Variants in SFRP1 observed in about 807,000 individuals in gnomAD.
SFRP1 encodes the protein secreted frizzled related protein 1, also known as secreted frizzled-related protein 1.
A neutral mutation model predicts 25.9 loss-of-function variants in SFRP1; 9 were observed. The ratio of observed to expected loss-of-function variants is 0.35; its 90% confidence interval spans 0.21 to 0.61. SFRP1 has a LOEUF of 0.61. SFRP1 is among the 20% of genes least tolerant of loss of function. SFRP1 has a pLI of 0.78. For missense variants in SFRP1, 346 were observed against 418.2 expected, an observed-to-expected ratio of 0.83 and a Z score of 1.51; for synonymous variants, 178 against 174.0, an observed-to-expected ratio of 1.02 and a Z score of -0.18.
At chr8:41,286,067 C>A (rs74400031) in intron 2 of SFRP1, among the ~76,000 whole-genome samples, 2 of 151,464 alleles carry the variant, frequency 1.3e-5, no homozygotes, top group Non-Finnish European at 2.9e-5. Flanking sequence ...AGTTGCCAGC[C>A]GGCCCAGACC....
intron 2 of SFRP1, among the ~76,000 whole-genome samples, chr8:41,295,605 T>G (rs1803834833): frequency 6.6e-6 from 1 of 151,944 alleles, no homozygotes; most frequent in Admixed American, 6.6e-5. Flanking sequence ...GTCCCCATCA[T>G]CACCATTCAT....
chr8:41,284,917 C>A (rs940851751), intron 2 of SFRP1, among the ~76,000 whole-genome samples: 9 of 152,216 alleles, frequency 5.9e-5, no homozygotes, highest in Admixed American at 5.2e-4. Flanking sequence ...TCACTCTGCC[C>A]TTCTTCCCTC....
intron 2 of SFRP1, among the ~76,000 whole-genome samples, chr8:41,273,635 G>A (rs543379153): frequency 1.1e-4 from 17 of 152,234 alleles, no homozygotes; most frequent in South Asian, 1.0e-3. Context: ...AAAAAATGCA[G>A]AATTAAACAA....
chr8:41,288,511 T>A (rs1803735274), intron 2 of SFRP1, among the ~76,000 whole-genome samples: 1 of 111,952 alleles, frequency 8.9e-6, no homozygotes, highest in African/African-American at 3.5e-5. Flanking sequence ...CAGTCCAGCC[T>A]GGGCAAAGAG....
chr8:41,302,093 C>T (rs1316946479), intron 2 of SFRP1, among the ~76,000 whole-genome samples: 2 of 152,234 alleles, frequency 1.3e-5, no homozygotes, highest in African/African-American at 4.8e-5. Flanking sequence ...GAGTTCCACC[C>T]TCAATCTGTA....
In SFRP1 at chr8:41,296,407, C is replaced by G. The variant is rs182575673; in HGVS notation, c.622+7054G>C. 3.5e-3 allele frequency among the ~76,000 whole-genome samples: 527 copies of G among 152,060 alleles called. 3 individuals carry two copies. The highest frequency in any genetic ancestry group is 0.012 in the African/African-American group (510 of 41,430). ...AAAGATTTCAAGCACAATCTATAGGCCTTTGAGAAGCCTTCCAAAGCGAAG... is the reference window on the plus strand; with the variant it reads ...AAAGATTTCAAGCACAATCTATAGGGCTTTGAGAAGCCTTCCAAAGCGAAG... On this transcript the variant is annotated intron_variant, in intron 2 of 2. Coordinates refer to ENST00000220772, the MANE Select transcript of SFRP1 (RefSeq NM_003012.5).
rs895923987 is a variant in SFRP1 at position 41,309,452 on chromosome 8, A to C, written c.-293T>G. The C allele has an allele frequency of 6.5e-6, 1 of 154,578 alleles. No individual in the cohort carries two copies. The highest frequency in any genetic ancestry group is 2.4e-5 in the African/African-American group (1 of 41,168). The allele number at this position is 154,578 out of a possible 1,614,324, so 9.6% of individuals were successfully genotyped here. ...GGCGGGCGCGCGGCACTGACTCCGG[A>C]GGCTGCAGGGCTGGAGTGCGCGGGG... On this transcript the variant is annotated 5_prime_UTR_variant, in exon 1 of 3. Transcript: ENST00000220772.
intron 2 of SFRP1, among the ~76,000 whole-genome samples, chr8:41,302,035 T>A (rs1803924081): frequency 6.6e-6 from 1 of 152,242 alleles, no homozygotes. Flanking sequence ...CTCCAACTTC[T>A]GTCTTTTTTA....
At chr8:41,284,871 C>T (rs576364681) in intron 2 of SFRP1, among the ~76,000 whole-genome samples, 1 of 152,224 alleles carries the variant, frequency 6.6e-6, no homozygotes. Context: ...ATGCTCCAGT[C>T]CAGGGAGAAA....
intron 2 of SFRP1, among the ~76,000 whole-genome samples, chr8:41,283,050 G>A (rs1332266156): frequency 1.3e-5 from 2 of 152,122 alleles, no homozygotes; most frequent in Non-Finnish European, 2.9e-5. Flanking sequence ...TAAGAACACT[G>A]CTGAATTTAG....
intron 2 of SFRP1, among the ~76,000 whole-genome samples, chr8:41,289,335 C>G (rs942850240): frequency 8.5e-5 from 13 of 152,332 alleles, no homozygotes; most frequent in Admixed American, 7.8e-4. Flanking sequence ...ACTGACTGGC[C>G]AAAGTCACAA....
chr8:41,307,574 G>A (rs1422942157), intron 1 of SFRP1, among the ~76,000 whole-genome samples: 1 of 152,214 alleles, frequency 6.6e-6, no homozygotes, highest in Non-Finnish European at 1.5e-5. Flanking sequence ...AGCGCAGCTG[G>A]GGTACAGCTC....
intron 2 of SFRP1, among the ~76,000 whole-genome samples, chr8:41,285,723 G>A (rs569374356): frequency 6.4e-4 from 98 of 152,258 alleles, no homozygotes; most frequent in Non-Finnish European, 1.3e-3. Flanking sequence ...GTGCCAGGGA[G>A]TGCCCCTGCC....
chr8:41,284,864 C>T (rs1264289246), intron 2 of SFRP1, among the ~76,000 whole-genome samples: 1 of 152,252 alleles, frequency 6.6e-6, no homozygotes, highest in Admixed American at 6.5e-5. Flanking sequence ...AAGGCCGATG[C>T]TCCAGTCCAG....
intron 1 of SFRP1, among the ~76,000 whole-genome samples, chr8:41,307,386 T>C (rs867782600): frequency 6.6e-6 from 1 of 152,184 alleles, no homozygotes; most frequent in South Asian, 2.1e-4. Flanking sequence ...ATTTGGGGTA[T>C]CCCTTTCCCC....
At chr8:41,292,395 G>T (rs1432353227) in intron 2 of SFRP1, among the ~76,000 whole-genome samples, 1 of 152,190 alleles carries the variant, frequency 6.6e-6, no homozygotes, top group Non-Finnish European at 1.5e-5. Context: ...TCTCACAAGA[G>T]CTGATGGTTT....
chr8:41,285,493 G>GC (rs1803687390), intron 2 of SFRP1, among the ~76,000 whole-genome samples: 1 of 152,174 alleles, frequency 6.6e-6, no homozygotes, highest in South Asian at 2.1e-4. Flanking sequence ...AGAGAACTAA[G>GC]CCCCACTCCA....
intron 2 of SFRP1, among the ~76,000 whole-genome samples, chr8:41,279,308 C>T (rs1431203428): frequency 6.6e-6 from 1 of 152,146 alleles, no homozygotes; most frequent in Admixed American, 6.5e-5. Flanking sequence ...TCCGCTTCAG[C>T]ACTAACAACA....
Position 41,308,674 on chromosome 8 carries a change from C to G in SFRP1, c.486G>C (p.Glu162Asp), listed in dbSNP as rs569409498. 3.1e-6 allele frequency: 5 copies of G among 1,611,000 alleles called. No homozygotes were observed. The highest frequency in any genetic ancestry group is 3.3e-5 in the Admixed American group (2 of 59,740). The part of the protein sequence containing the change: ...PEMLKCDKFP[E>D]GDVCIAMTPP... ...GCGTCATGGCGATGCAGACGTCCCC[C>G]TCGGGGAACTTGTCACACTTAAGCA... The change falls in exon 1 of 3, where the codon GAG becomes GAC. Residue 162 changes from glutamate (E) to aspartate (D), a missense_variant. Coordinates refer to ENST00000220772, the MANE Select transcript of SFRP1 (RefSeq NM_003012.5).
Sources: allele counts gnomAD v4.1 joint callset (sites outside exome capture counted in the v4.1 genomes callset), GRCh38; gene constraint gnomAD v4.1.1; transcripts MANE v1.5; gene names NCBI Gene and HGNC (gene_info 2026-07-23, HGNC 2026-07-21).